The following CEP55 variants were observed in gnomAD, a reference collection of about 807,000 sequenced individuals.
The protein encoded by CEP55 is centrosomal protein 55, also known as centrosomal protein of 55 kDa.
A neutral mutation model predicts 63.2 loss-of-function variants in CEP55; 57 were observed. That is an observed-to-expected ratio of 0.90 (90% CI 0.73 to 1.13). CEP55 has a LOEUF of 1.13. CEP55 is among the 50% of genes most tolerant of loss of function. The pLI is 0.00. For missense variants in CEP55, 456 were observed against 518.9 expected, an observed-to-expected ratio of 0.88 and a Z score of 1.18; for synonymous variants, 178 against 191.6, an observed-to-expected ratio of 0.93 and a Z score of 0.59.
At chr10:93,523,379 C>G (rs368576495) in intron 8 of CEP55, among the ~76,000 whole-genome samples, 15 of 152,094 alleles carry the variant, frequency 9.9e-5, no homozygotes, top group Non-Finnish European at 1.3e-4. Context: ...AATTCAACAA[C>G]AAGAGCTAAC....
intron 7 of CEP55, 36 bp downstream of exon 7, chr10:93,518,984 C>G: frequency 6.5e-7 from 1 of 1,535,154 alleles, no homozygotes; most frequent in Non-Finnish European, 9.0e-7. Context: ...TCAATTCTGC[C>G]TGTTAGAAAA....
chr10:93,526,509 T>C (rs1216291077), intron 8 of CEP55, among the ~76,000 whole-genome samples: 2 of 152,206 alleles, frequency 1.3e-5, no homozygotes, highest in African/African-American at 2.4e-5. Flanking sequence ...AGTTCAACCA[T>C]TGTGGAAGTC....
At chr10:93,505,097 C>A (rs2057675116) in intron 3 of CEP55, among the ~76,000 whole-genome samples, 1 of 152,222 alleles carries the variant, frequency 6.6e-6, no homozygotes, top group African/African-American at 2.4e-5. Context: ...CAGGCATAAG[C>A]CACCGTATCT....
intron 8 of CEP55, among the ~76,000 whole-genome samples, chr10:93,527,494 A>G (rs1000420645): frequency 6.6e-6 from 1 of 152,224 alleles, no homozygotes; most frequent in Non-Finnish European, 1.5e-5. Flanking sequence ...TATTACCCTC[A>G]TAATACTGAT....
chr10:93,519,137 T>G (rs908537295), intron 7 of CEP55, 189 bp downstream of exon 7: 5 of 539,622 alleles, frequency 9.3e-6, no homozygotes, highest in Admixed American at 3.2e-5. Context: ...TTATTCCTGT[T>G]GCTGACCTTA....
intron 4 of CEP55, among the ~76,000 whole-genome samples, chr10:93,507,782 G>A (rs905870522): frequency 6.6e-6 from 1 of 151,528 alleles, no homozygotes; most frequent in African/African-American, 2.4e-5. Context: ...CCAAGTACCT[G>A]GGATTACAGG....
At chr10:93,526,315 CA>C (rs1380261673) in intron 8 of CEP55, among the ~76,000 whole-genome samples, 1 of 152,054 alleles carries the variant, frequency 6.6e-6, no homozygotes, top group Non-Finnish European at 1.5e-5. Context: ...TTTATGCAGC[CA>C]AAAGACACAT....
At position 93,506,898 on chromosome 10, in the gene CEP55, C is replaced by G. The variant is rs1437953586; in HGVS notation, c.460-90C>G. On this transcript the variant is annotated intron_variant, in intron 3 of 8. Coordinates refer to ENST00000371485, the MANE Select transcript of CEP55 (RefSeq NM_018131.5). ...CTAGATCTGGATTTCGGGATGCCCC[C>G]GTGAGTTATACTGTATTATTATGGT... 3 of 867,486 alleles carry G rather than the reference C, an allele frequency of 3.5e-6. No individual in the cohort carries two copies. In the African/African-American group the frequency reaches 5.0e-5, roughly 14 times the overall value. 53.7% of individuals were successfully genotyped at this position (867,486 alleles called of 1,614,324 possible).
chr10:93,516,746 T>A (rs2057807273), intron 5 of CEP55, among the ~76,000 whole-genome samples, 189 bp from the exon 6 acceptor site: 1 of 152,240 alleles, frequency 6.6e-6, no homozygotes, highest in Admixed American at 6.5e-5. Context: ...TTGTGAGTTT[T>A]ATAACTTCAA....
In CEP55 at chr10:93,517,101, G is replaced by A. The variant is rs772215045; in HGVS notation, c.846G>A (p.Leu282=). 7 of 1,613,990 alleles carry A rather than the reference G, an allele frequency of 4.3e-6. No homozygotes were observed. Among genetic ancestry groups the A allele is most frequent in the African/African-American group, 2.7e-5 (2 of 74,926 alleles). ...AAGAAGTTCACAATTTAAATCAGCT[G>A]TTGTATTCACAAAGAAGGGCAGATG... ...TQKEVHNLNQ[L]LYSQRRADVQ... Residue 282 remains leucine, a synonymous_variant, in exon 6 of 9, where the codon CTG becomes CTA. Transcript: ENST00000371485.
At chr10:93,497,858 C>T (rs2057589071) in intron 1 of CEP55, among the ~76,000 whole-genome samples, 1 of 151,900 alleles carries the variant, frequency 6.6e-6, no homozygotes, top group East Asian at 2.0e-4. Context: ...GTGGTTCACG[C>T]CTGTAATCCC....
At chr10:93,498,053 C>G (rs1250904853) in intron 1 of CEP55, among the ~76,000 whole-genome samples, 1 of 151,614 alleles carries the variant, frequency 6.6e-6, no homozygotes, top group African/African-American at 2.4e-5. Flanking sequence ...ACCCGGGAGG[C>G]GGAGGTTGCA....
At chr10:93,500,504 A>C (rs1019137595) in intron 2 of CEP55, among the ~76,000 whole-genome samples, 35 of 152,198 alleles carry the variant, frequency 2.3e-4, no homozygotes, top group African/African-American at 8.2e-4. Flanking sequence ...TCTGGAAATA[A>C]AGACATTGCG....
chr10:93,516,202 A>G (rs1002362178), intron 5 of CEP55, among the ~76,000 whole-genome samples: 10 of 152,250 alleles, frequency 6.6e-5, no homozygotes, highest in African/African-American at 2.4e-4. Context: ...AAAGACTGAC[A>G]GTTTGGAGGG....
In CEP55 at chr10:93,527,885, A is replaced by AT; in HGVS notation, c.1192-65_1192-64insT. The AT allele has an allele frequency of 2.0e-5, 24 of 1,176,122 alleles. No individual in the cohort carries two copies. In the South Asian group the frequency reaches 3.0e-4, roughly 15 times the overall value. The allele number at this position is 1,176,122 out of a possible 1,614,324, so 72.9% of individuals were successfully genotyped here. ...GACAGAGTGAGACTGCCTCAAAAAA[A>AT]GAAAAAAAAAAAGCTGAACATTGGC... is the stretch of plus-strand genomic sequence containing the variant. On this transcript the variant is annotated intron_variant, in intron 8 of 8. Coordinates refer to ENST00000371485, the MANE Select transcript of CEP55 (RefSeq NM_018131.5).
In CEP55 at chr10:93,515,432, G is replaced by C. The variant is rs555374318; in HGVS notation, c.556G>C (p.Val186Leu). 2 of 1,610,696 alleles carry C rather than the reference G, an allele frequency of 1.2e-6. No homozygotes were observed. The highest frequency in any genetic ancestry group is 8.5e-7 in the Non-Finnish European group (1 of 1,177,592). The change falls in exon 5 of 9, where the codon GTG becomes CTG. Residue 186 changes from valine (V) to leucine (L), a missense_variant. Transcript: ENST00000371485. ...TCTGGAGAAAAATCAGCAGTGGCTC[G>C]TGTATGATCAGCAGCGGGAAGTCTA... ...DALEKNQQWL[V>L]YDQQREVYVK...
intron 8 of CEP55, among the ~76,000 whole-genome samples, chr10:93,525,551 A>G (rs2134503419): frequency 6.6e-6 from 1 of 152,260 alleles, no homozygotes; most frequent in South Asian, 2.1e-4. Flanking sequence ...CCATCAAGCT[A>G]CCAATGACTT....
Position 93,517,090 on chromosome 10 carries a change from T to A in CEP55, c.835T>A (p.Leu279Ile). 7 of 1,614,070 alleles carry A rather than the reference T, an allele frequency of 4.3e-6. No individual in the cohort carries two copies. The highest frequency in any genetic ancestry group is 5.9e-6 in the Non-Finnish European group (7 of 1,179,994). ...AGAAACCCAAAAAGAAGTTCACAAT[T>A]TAAATCAGCTGTTGTATTCACAAAG... Reference protein sequence around the residue: ...YEETQKEVHNLNQLLYSQRRA... With the variant: ...YEETQKEVHNINQLLYSQRRA... Residue 279 changes from leucine to isoleucine, a missense_variant, in exon 6 of 9, where the codon TTA (leucine) becomes ATA (isoleucine). Coordinates refer to ENST00000371485, the MANE Select transcript of CEP55 (RefSeq NM_018131.5).
intron 4 of CEP55, among the ~76,000 whole-genome samples, chr10:93,511,701 C>T (rs2057751693): frequency 6.6e-6 from 1 of 151,996 alleles, no homozygotes; most frequent in Non-Finnish European, 1.5e-5. Flanking sequence ...CTCCTGGGCT[C>T]AAGTGATTCT....
Sources: gnomAD v4.1 joint callset for allele counts (sites outside exome capture counted in the v4.1 genomes callset) on GRCh38, gnomAD v4.1.1 for gene constraint, MANE v1.5 for transcripts, NCBI Gene and HGNC (gene_info 2026-07-23, HGNC 2026-07-21) for gene names.